The following SLC30A6 variants were observed in gnomAD, a reference collection of about 807,000 sequenced individuals.
The protein encoded by SLC30A6 is solute carrier family 30 member 6, also known as zinc transporter 6.
In SLC30A6, 55 loss-of-function variants were observed where a neutral mutation model predicts 63.0. The observed-to-expected ratio is 0.87, with a 90% CI of 0.70 to 1.09. The LOEUF (loss-of-function observed/expected upper bound fraction) is 1.09. SLC30A6 is among the 50% of genes least tolerant of loss of function. The pLI is 0.00. For missense variants in SLC30A6, 587 were observed against 549.2 expected, an observed-to-expected ratio of 1.07 and a Z score of -0.69; for synonymous variants, 224 against 186.1, an observed-to-expected ratio of 1.20 and a Z score of -1.66.
chr2:32,190,519 T>C (rs1249283075), intron 5 of SLC30A6, among the ~76,000 whole-genome samples: 1 of 152,188 alleles, frequency 6.6e-6, no homozygotes, highest in Non-Finnish European at 1.5e-5. Context: ...TTTTGTGTAC[T>C]TGTTAAGAAA....
chr2:32,197,914 T>G, intron 10 of SLC30A6, 88 bp downstream of exon 10: 1 of 1,502,940 alleles, frequency 6.7e-7, no homozygotes, highest in Non-Finnish European at 9.0e-7. Flanking sequence ...TGGTCAAGCT[T>G]CTAGCAGTTT....
chr2:32,194,073 A>G (rs895835003), intron 8 of SLC30A6, 90 bp downstream of exon 8: 1 of 1,034,380 alleles, frequency 9.7e-7, no homozygotes. Context: ...CAGATCAATG[A>G]AGAAGTATAT....
At chr2:32,168,553 G>T (rs978156706) in intron 1 of SLC30A6, among the ~76,000 whole-genome samples, 1 of 151,948 alleles carries the variant, frequency 6.6e-6, no homozygotes, top group African/African-American at 2.4e-5. Flanking sequence ...TTTGGTTAAT[G>T]CAAAATAAGT....
chr2:32,194,868 A>C (rs949892919), intron 8 of SLC30A6, among the ~76,000 whole-genome samples: 15 of 152,204 alleles, frequency 9.9e-5, no homozygotes, highest in African/African-American at 3.6e-4. Context: ...AATTTATAAA[A>C]TACTATAACA....
At chr2:32,201,723 T>G in intron 10 of SLC30A6, 1 of 1,351,734 alleles carries the variant, frequency 7.4e-7, no homozygotes, top group Non-Finnish European at 1.0e-6. Context: ...TAATGGATTA[T>G]GGACCTGTAC....
intron 10 of SLC30A6, among the ~76,000 whole-genome samples, chr2:32,201,443 C>T (rs993086097): frequency 1.3e-5 from 2 of 152,196 alleles, no homozygotes; most frequent in African/African-American, 4.8e-5. Context: ...GATATAATTA[C>T]TGATAGATTC....
At position 32,221,073 on chromosome 2, in the gene SLC30A6, C is replaced by T. The variant is rs546892028; in HGVS notation, c.*360C>T. ...AAGATACGATATTTCTTTTTTTTTC[C>T]GAGACGGAGTCTTGCTCTGCCACTG... On this transcript the variant is annotated 3_prime_UTR_variant, in exon 14 of 14. Coordinates refer to ENST00000282587, the MANE Select transcript of SLC30A6 (RefSeq NM_017964.5). The T allele has an allele frequency of 6.4e-5, 13 of 202,620 alleles. No homozygotes were observed. Among genetic ancestry groups the T allele is most frequent in the African/African-American group, 1.2e-4 (5 of 42,394 alleles). The allele number at this position is 202,620 out of a possible 1,614,324, so 12.6% of individuals were successfully genotyped here.
chr2:32,202,033 A>G, intron 10 of SLC30A6: 1 of 1,094,044 alleles, frequency 9.1e-7, no homozygotes, highest in South Asian at 1.4e-5. Context: ...GAAAAAAAAA[A>G]AGCAAGTATC....
In SLC30A6 at chr2:32,175,389, T is replaced by C. The variant is rs745427941; in HGVS notation, c.218+28T>C. On this transcript the variant is annotated intron_variant, in intron 4 of 13. Coordinates refer to ENST00000282587, the MANE Select transcript of SLC30A6 (RefSeq NM_017964.5). ...AAGTTTTTAGGAAATCTTAATGTTT[T>C]GGAGCTAATAAGGAACTTGGTAGAA... 4 of 1,600,458 alleles carry C rather than the reference T, an allele frequency of 2.5e-6. No individual in the cohort carries two copies. In the Admixed American group the frequency reaches 6.7e-5, roughly 27 times the overall value.
At chr2:32,215,876 A>G (rs1407572638) in intron 13 of SLC30A6, among the ~76,000 whole-genome samples, 1 of 120,512 alleles carries the variant, frequency 8.3e-6, no homozygotes, top group Admixed American at 8.5e-5. Flanking sequence ...TATTTTTTAT[A>G]ACGATAGAGT....
chr2:32,224,297 G>T lies in SLC30A6; in HGVS notation c.*3584G>T. 1.9e-6 allele frequency: 1 copy of T among 528,918 alleles called. No homozygotes were observed. The highest frequency in any genetic ancestry group is 3.3e-6 in the Non-Finnish European group (1 of 303,916). 32.8% of individuals were successfully genotyped at this position (528,918 alleles called of 1,614,324 possible). On this transcript the variant is annotated 3_prime_UTR_variant, in exon 14 of 14. Transcript: ENST00000282587. ...AGATGAATGAGAATTCCTTCAAGGCGCCGATAATCCTAGTAGGAGAGCTAA... is the reference window on the plus strand; with the variant it reads ...AGATGAATGAGAATTCCTTCAAGGCTCCGATAATCCTAGTAGGAGAGCTAA...
At chr2:32,181,002 A>G (rs1682260907) in intron 4 of SLC30A6, among the ~76,000 whole-genome samples, 1 of 152,218 alleles carries the variant, frequency 6.6e-6, no homozygotes, top group South Asian at 2.1e-4. Flanking sequence ...GAGCTTCACT[A>G]ATATCCAAAC....
At chr2:32,205,963 C>G (rs1477623821) in intron 11 of SLC30A6, among the ~76,000 whole-genome samples, 3 of 151,738 alleles carry the variant, frequency 2.0e-5, no homozygotes, top group African/African-American at 7.3e-5. Context: ...GCCACTGCAC[C>G]CGGCCTGAAA....
chr2:32,217,844 CT>C lies in SLC30A6; in HGVS notation c.886-2356del, dbSNP rs61606348. Reference sequence around the variant, plus strand: ...TGGATATTGTAAATGGGATTGAATTCTTTTTTTTTTTTTCTTGATACAAGGT... The same window carrying C: ...TGGATATTGTAAATGGGATTGAATTCTTTTTTTTTTTTCTTGATACAAGGT... On this transcript the variant is annotated intron_variant, in intron 13 of 13. Coordinates refer to ENST00000282587, the MANE Select transcript of SLC30A6 (RefSeq NM_017964.5). Among the ~76,000 whole-genome samples the C allele has an allele frequency of 7.9e-3, 1,141 of 143,604 alleles. 10 individuals carry two copies. Among genetic ancestry groups the C allele is most frequent in the African/African-American group, 0.024 (933 of 39,414 alleles). The allele number at this position is 143,604 out of a possible 152,430, so 94.2% of individuals were successfully genotyped here.
chr2:32,224,189 A>C lies in SLC30A6; in HGVS notation c.*3476A>C. ...AATATTTATTGAGAATATTGTTGAG[A>C]ATCTCTTACATGCCAGGCACTATAC... On this transcript the variant is annotated 3_prime_UTR_variant, in exon 14 of 14. Transcript: ENST00000282587. 3.6e-6 allele frequency: 1 copy of C among 275,232 alleles called. No individual in the cohort carries two copies. Among genetic ancestry groups the C allele is most frequent in the Non-Finnish European group, 6.8e-6 (1 of 147,556 alleles). The allele number at this position is 275,232 out of a possible 1,614,324, so 17.0% of individuals were successfully genotyped here.
chr2:32,218,067 C>CTG (rs745593552), intron 13 of SLC30A6, among the ~76,000 whole-genome samples: 20 of 151,370 alleles, frequency 1.3e-4, no homozygotes, highest in Non-Finnish European at 2.7e-4. Context: ...CTGGGGGAGT[C>CTG]TGTGTGTGTG....
intron 4 of SLC30A6, among the ~76,000 whole-genome samples, chr2:32,178,704 C>A: frequency 6.6e-6 from 1 of 152,254 alleles, no homozygotes; most frequent in Non-Finnish European, 1.5e-5. Context: ...ACAACAAACA[C>A]CAGTTCACTG....
chr2:32,177,944 ATTTTTTT>A (rs1042062133), intron 4 of SLC30A6, among the ~76,000 whole-genome samples: 1 of 120,472 alleles, frequency 8.3e-6, no homozygotes, highest in African/African-American at 3.1e-5. Context: ...TTTTGAGTTA[ATTTTTTT>A]TTTTTTTTTT....
chr2:32,215,560 A>G (rs937463982), intron 13 of SLC30A6, among the ~76,000 whole-genome samples: 1 of 147,996 alleles, frequency 6.8e-6, no homozygotes, highest in African/African-American at 2.5e-5. Flanking sequence ...ATAGTACCCA[A>G]TTGTTAAGAA....
Sources: gnomAD v4.1 joint callset for allele counts (sites outside exome capture counted in the v4.1 genomes callset) on GRCh38, gnomAD v4.1.1 for gene constraint, MANE v1.5 for transcripts, NCBI Gene and HGNC (gene_info 2026-07-23, HGNC 2026-07-21) for gene names.